The following TNFRSF10B variants were observed in gnomAD, a reference collection of about 807,000 sequenced individuals.
The protein encoded by TNFRSF10B is tumor necrosis factor receptor superfamily member 10B.
Under a neutral mutation model 41.4 loss-of-function variants are expected in TNFRSF10B, and 35 were observed. The ratio of observed to expected loss-of-function variants is 0.85; its 90% CI spans 0.65 to 1.12. The LOEUF (loss-of-function observed/expected upper bound fraction) is 1.12, where lower values mean the gene tolerates loss of function less well. Among genes scored for constraint, TNFRSF10B ranks in the 50% most tolerant of loss-of-function variants. The pLI is 0.00. For missense variants in TNFRSF10B, 584 were observed against 552.7 expected (o/e 1.06, Z -0.57); for synonymous variants, 230 against 215.5 (o/e 1.07, Z -0.59).
At chr8:23,044,818 A>G (rs2128816364) in intron 1 of TNFRSF10B, among the ~76,000 whole-genome samples, 1 of 152,238 alleles carries the variant, frequency 6.6e-6, no homozygotes, top group Admixed American at 6.5e-5. Flanking sequence ...AAAATACAAA[A>G]GATTATCAAA....
intron 2 of TNFRSF10B, among the ~76,000 whole-genome samples, chr8:23,035,970 C>T (rs1159627915): frequency 2.0e-5 from 3 of 152,214 alleles, no homozygotes; most frequent in Non-Finnish European, 4.4e-5. Context: ...GCAGACCCAA[C>T]GGTGCTTGAA....
chr8:23,034,250 G>C (rs1399825580), intron 2 of TNFRSF10B, among the ~76,000 whole-genome samples: 1 of 152,190 alleles, frequency 6.6e-6, no homozygotes, highest in African/African-American at 2.4e-5. Flanking sequence ...AAAGGGGCCA[G>C]TGGGTCCCCA....
At chr8:23,023,395 C>G (rs1393713392) in intron 8 of TNFRSF10B, among the ~76,000 whole-genome samples, 2 of 152,188 alleles carry the variant, frequency 1.3e-5, no homozygotes, top group African/African-American at 2.4e-5. Flanking sequence ...ACTTCTGCAT[C>G]TGTGGAAAGC....
At chr8:23,053,650 C>T (rs1013594421) in intron 1 of TNFRSF10B, among the ~76,000 whole-genome samples, 8 of 152,078 alleles carry the variant, frequency 5.3e-5, no homozygotes, top group Non-Finnish European at 1.0e-4. Flanking sequence ...TTCTGTTTAA[C>T]AAAAATTGTA....
At chr8:23,045,850 C>T (rs1234648434) in intron 1 of TNFRSF10B, among the ~76,000 whole-genome samples, 1 of 152,154 alleles carries the variant, frequency 6.6e-6, no homozygotes, top group African/African-American at 2.4e-5. Flanking sequence ...ATGATCACCT[C>T]ATTAGATGTA....
At chr8:23,053,366 A>G (rs779008677) in intron 1 of TNFRSF10B, among the ~76,000 whole-genome samples, 7 of 152,262 alleles carry the variant, frequency 4.6e-5, no homozygotes, top group Non-Finnish European at 8.8e-5. Context: ...AACAGTTTAC[A>G]TGCAAGTTGT....
chr8:23,064,253 CCAGA>C (rs915856684), intron 1 of TNFRSF10B, among the ~76,000 whole-genome samples: 21 of 151,972 alleles, frequency 1.4e-4, no homozygotes, highest in African/African-American at 4.4e-4. Flanking sequence ...AGACAGAATC[CCAGA>C]CAGACAGGAA....
chr8:23,031,375 C>CTATTTATTTATTTATTTATT (rs61141147), intron 2 of TNFRSF10B, among the ~76,000 whole-genome samples: 12 of 140,572 alleles, frequency 8.5e-5, no homozygotes, highest in South Asian at 2.4e-4. Flanking sequence ...TGCACCCGGC[C>CTATTTATTTATTTATTTATT]TATTTATTTA....
At chr8:23,050,530 T>C (rs1812496323) in intron 1 of TNFRSF10B, among the ~76,000 whole-genome samples, 1 of 152,144 alleles carries the variant, frequency 6.6e-6, no homozygotes, top group South Asian at 2.1e-4. Context: ...TTTCTCTCTC[T>C]CCTAGGGCCT....
intron 2 of TNFRSF10B, among the ~76,000 whole-genome samples, chr8:23,033,143 G>C (rs940395242): frequency 1.1e-4 from 17 of 152,190 alleles, no homozygotes; most frequent in African/African-American, 3.9e-4. Context: ...TATCATTCAA[G>C]AATGAAGAAG....
intron 1 of TNFRSF10B, among the ~76,000 whole-genome samples, chr8:23,067,482 T>C (rs1382797309): frequency 6.7e-6 from 1 of 150,156 alleles, no homozygotes; most frequent in African/African-American, 2.5e-5. Flanking sequence ...ACAAACCAAA[T>C]CACTGCAAAC....
chr8:23,046,628 A>G (rs1812371997), intron 1 of TNFRSF10B, among the ~76,000 whole-genome samples: 1 of 150,634 alleles, frequency 6.6e-6, no homozygotes, highest in South Asian at 2.1e-4. Flanking sequence ...AAAAAAAAAA[A>G]AAAAAACACA....
At chr8:23,049,443 A>G (rs951327835) in intron 1 of TNFRSF10B, among the ~76,000 whole-genome samples, 1 of 152,162 alleles carries the variant, frequency 6.6e-6, no homozygotes, top group South Asian at 2.1e-4. Context: ...GAACTCCCCA[A>G]ACCTCCATGA....
chr8:23,026,016 C>G (rs1811692323), intron 7 of TNFRSF10B, among the ~76,000 whole-genome samples: 1 of 151,916 alleles, frequency 6.6e-6, no homozygotes, highest in South Asian at 2.1e-4. Flanking sequence ...GCAGGGGTTG[C>G]AATGAGCCAA....
intron 3 of TNFRSF10B, 41 bp downstream of exon 3, chr8:23,030,718 C>T (rs1287794071): frequency 6.7e-7 from 1 of 1,495,672 alleles, no homozygotes; most frequent in Admixed American, 1.8e-5. Flanking sequence ...TGTCATCACC[C>T]CGCATTCCAC....
rs368507177 is a variant in TNFRSF10B, at chr8:23,048,091, ATAAG to A, written c.145-4852_145-4849del. Reference sequence around the variant, plus strand: ...ATTGGAATACATCATGCTAAGTGAAATAAGTGAGGCACAAAAAGAGAAATACTGT... The same window carrying A: ...ATTGGAATACATCATGCTAAGTGAAATGAGGCACAAAAAGAGAAATACTGT... On this transcript the variant is annotated intron_variant, in intron 1 of 8. Coordinates refer to ENST00000276431, the MANE Select transcript of TNFRSF10B (RefSeq NM_003842.5). 3.3e-5 allele frequency among the ~76,000 whole-genome samples: 5 copies of A among 152,358 alleles called. No individual in the cohort carries two copies. In the East Asian group the frequency reaches 7.7e-4, roughly 23 times the overall value.
At position 23,043,167 on chromosome 8, in the gene TNFRSF10B, G is replaced by C. The variant is rs1472793193; in HGVS notation, c.221C>G (p.Ser74Cys). ...TGGACACAATCCCTCTGAGGGGCTG[G>C]ACCTCTTTTGTTGTGGGGCCGCTCT... The part of the protein sequence containing the change: ...QQRAAPQQKR[S>C]SPSEGLCPPG... Residue 74 changes from serine to cysteine, a missense_variant, in exon 2 of 9, where the codon TCC becomes TGC. By Grantham distance (112) the Ser-to-Cys change is moderately radical. Coordinates refer to ENST00000276431, the MANE Select transcript of TNFRSF10B (RefSeq NM_003842.5). 5.0e-6 allele frequency: 8 copies of C among 1,613,998 alleles called. No homozygotes were observed. Among genetic ancestry groups the C allele is most frequent in the Non-Finnish European group, 6.8e-6 (8 of 1,180,020 alleles).
chr8:23,031,370 C>T (rs1048402509), intron 2 of TNFRSF10B, among the ~76,000 whole-genome samples: 50 of 136,042 alleles, frequency 3.7e-4, no homozygotes, highest in Non-Finnish European at 6.9e-4. Context: ...GCCACTGCAC[C>T]CGGCCTATTT....
At chr8:23,023,526 ATGC>A (rs1811607285) in intron 8 of TNFRSF10B, among the ~76,000 whole-genome samples, 1 of 152,076 alleles carries the variant, frequency 6.6e-6, no homozygotes, top group African/African-American at 2.4e-5. Context: ...AGACCGAGCA[ATGC>A]TGCCCAGATC....
Sources: gnomAD v4.1 joint callset for allele counts (sites outside exome capture counted in the v4.1 genomes callset) on GRCh38, gnomAD v4.1.1 for gene constraint, MANE v1.5 for transcripts, NCBI Gene and HGNC (gene_info 2026-07-23, HGNC 2026-07-21) for gene names.